Variants in IL3RA observed in about 807,000 individuals in gnomAD.
The protein encoded by IL3RA is interleukin 3 receptor subunit alpha.
IL3RA carries 73 observed loss-of-function variants against 52.3 expected under a neutral mutation model. That is an observed-to-expected ratio of 1.40 (90% CI 1.16 to 1.70). The LOEUF (loss-of-function observed/expected upper bound fraction) is 1.70. IL3RA is among the 40% of genes most tolerant of loss of function. IL3RA has a pLI of 0.00. For missense variants in IL3RA, 664 were observed against 504.4 expected (o/e 1.32, Z -3.03); for synonymous variants, 260 against 194.0 (o/e 1.34, Z -2.83).
rs756442090 is a variant in IL3RA at position 1,378,902 on chromosome X, G to A, written c.980+138G>A. On this transcript the variant is annotated intron_variant, in intron 10 of 11. Transcript: ENST00000331035. ...CTGTCTCCCAGGCTGGAGTGCAGTG[G>A]CACGATCTGGGCTCACTGCAGCCTC... 1.6e-5 allele frequency: 13 copies of A among 822,832 alleles called. No individual in the cohort carries two copies. In the Admixed American group the frequency reaches 2.4e-4, roughly 15 times the overall value. The allele number at this position is 822,832 out of a possible 1,614,324, so 51.0% of individuals were successfully genotyped here.
intron 1 of IL3RA, among the ~76,000 whole-genome samples, chrX:1,341,410 G>A (rs1317276275): frequency 2.6e-5 from 4 of 152,016 alleles, no homozygotes; most frequent in Non-Finnish European, 5.9e-5. Context: ...CATGTACACA[G>A]TACCCGTGTG....
intron 2 of IL3RA, among the ~76,000 whole-genome samples, chrX:1,343,920 T>C (rs1229352759): frequency 6.6e-6 from 1 of 151,106 alleles, no homozygotes; most frequent in Non-Finnish European, 1.5e-5. Flanking sequence ...CTCAGCTTCC[T>C]GATTAGCTGG....
chrX:1,352,904 TGAGTCATAGAACCCCCTATCA>T, intron 6 of IL3RA, among the ~76,000 whole-genome samples: 1 of 44,908 alleles, frequency 2.2e-5, no homozygotes, highest in East Asian at 3.5e-4. Flanking sequence ...GGTTTCATCA[TGAGTCATAGAACCCCCTATCA>T]TGGATTCCAT....
At position 1,352,206 on chromosome X, in the gene IL3RA, G is replaced by C. The variant is rs750535240; in HGVS notation, c.405G>C (p.Gln135His). The C allele has an allele frequency of 6.2e-7, 1 of 1,613,776 alleles. No individual in the cohort carries two copies. The highest frequency in any genetic ancestry group is 8.5e-7 in the Non-Finnish European group (1 of 1,179,832). Residue 135 changes from glutamine (Q) to histidine (H), a missense_variant, in exon 5 of 12, where the codon CAG becomes CAC. Gln to His is a conservative substitution (Grantham distance 24). Transcript: ENST00000331035. ...GCCCGGGGGCCCCCGCGGACGTCCA[G>C]TACGACCTGTACTTGAACGTTGCCA... ...AVGPGAPADVQYDLYLNVANR... is the reference protein window; with the variant it reads ...AVGPGAPADVHYDLYLNVANR...
At chrX:1,353,399 C>T (rs1461795569) in intron 6 of IL3RA, among the ~76,000 whole-genome samples, 1 of 149,106 alleles carries the variant, frequency 6.7e-6, no homozygotes, top group Non-Finnish European at 1.5e-5. Flanking sequence ...CATAGGACCC[C>T]CATCATGGAT....
rs1381171222 is a variant in IL3RA, at chrX:1,368,430, G to C, written c.874+3178G>C. Among the ~76,000 whole-genome samples the C allele has an allele frequency of 5.1e-4, 77 of 151,792 alleles. 1 individual carries two copies. The highest frequency in any genetic ancestry group is 4.7e-3 in the Admixed American group (71 of 15,222). On this transcript the variant is annotated intron_variant, in intron 9 of 11. Coordinates refer to ENST00000331035, the MANE Select transcript of IL3RA (RefSeq NM_002183.4). ...AAAAACCCTGTCTCTACTAAAAATAGAAAAATTAGGTCAGGTGCTGTGGCT... is the reference window on the plus strand; with the variant it reads ...AAAAACCCTGTCTCTACTAAAAATACAAAAATTAGGTCAGGTGCTGTGGCT...
intron 2 of IL3RA, among the ~76,000 whole-genome samples, chrX:1,342,541 C>T (rs2085532190): frequency 2.2e-5 from 3 of 137,280 alleles, no homozygotes; most frequent in Non-Finnish European, 4.7e-5. Flanking sequence ...CTTTAATTTG[C>T]TTTTCATTCT....
At chrX:1,380,613 T>TGAGGAGAGGGGAGGATGAG (rs1208337346) in intron 10 of IL3RA, among the ~76,000 whole-genome samples, 1 of 21,370 alleles carries the variant, frequency 4.7e-5, no homozygotes, top group Non-Finnish European at 8.5e-5. Flanking sequence ...GAGGGGAGGA[T>TGAGGAGAGGGGAGGATGAG]GAGTGGGGAG....
intron 4 of IL3RA, 27 bp downstream of exon 4, chrX:1,348,572 A>G (rs1489681054): frequency 1.4e-5 from 22 of 1,533,350 alleles, no homozygotes; most frequent in Non-Finnish European, 2.0e-5. Flanking sequence ...TTGTTTGTTT[A>G]TTCTCTATTC....
chrX:1,353,204 T>TAA (rs1253545281), intron 6 of IL3RA, among the ~76,000 whole-genome samples: 5 of 124,144 alleles, frequency 4.0e-5, no homozygotes, highest in African/African-American at 9.3e-5. Flanking sequence ...CCATCATGGG[T>TAA]TCCATCATGG....
At chrX:1,360,261 CAT>C (rs2087127491) in intron 8 of IL3RA, among the ~76,000 whole-genome samples, 1 of 38,500 alleles carries the variant, frequency 2.6e-5, no homozygotes, top group African/African-American at 1.4e-4. Flanking sequence ...TTTCTCCCTC[CAT>C]CTTTCTCTCT....
At chrX:1,355,363 G>A (rs779403595) in intron 6 of IL3RA, among the ~76,000 whole-genome samples, 2 of 135,280 alleles carry the variant, frequency 1.5e-5, no homozygotes, top group Non-Finnish European at 3.2e-5. Context: ...AGGAGAATGG[G>A]GAGGAGAGAG....
At chrX:1,354,222 T>C (rs1419816711) in intron 6 of IL3RA, among the ~76,000 whole-genome samples, 1 of 152,058 alleles carries the variant, frequency 6.6e-6, no homozygotes, top group Non-Finnish European at 1.5e-5. Flanking sequence ...CCCACGCCAG[T>C]CACCTCCCAA....
intron 8 of IL3RA, 133 bp downstream of exon 8, chrX:1,359,020 TG>T: frequency 1.8e-5 from 12 of 664,004 alleles, no homozygotes; most frequent in South Asian, 1.1e-4. Context: ...TAATAATAAA[TG>T]TTATTATTCA....
chrX:1,343,155 C>G (rs2085561841), intron 2 of IL3RA, among the ~76,000 whole-genome samples: 1 of 152,046 alleles, frequency 6.6e-6, no homozygotes, highest in African/African-American at 2.4e-5. Flanking sequence ...AATTATCCTT[C>G]TAAGTTAGAA....
At chrX:1,361,386 G>A (rs1223949210) in intron 8 of IL3RA, among the ~76,000 whole-genome samples, 2 of 152,084 alleles carry the variant, frequency 1.3e-5, no homozygotes, top group Admixed American at 6.6e-5. Context: ...CATGTGGCTG[G>A]GGAGGCCTCA....
At chrX:1,349,387 G>A (rs1324681050) in intron 4 of IL3RA, among the ~76,000 whole-genome samples, 1 of 151,778 alleles carries the variant, frequency 6.6e-6, no homozygotes, top group African/African-American at 2.4e-5. Flanking sequence ...TCACCATGTT[G>A]GTCAGGCTGG....
intron 3 of IL3RA, among the ~76,000 whole-genome samples, chrX:1,346,772 C>G (rs1405608422): frequency 1.8e-4 from 27 of 151,330 alleles, no homozygotes; most frequent in Non-Finnish European, 2.6e-4. Flanking sequence ...ACACTGTGAG[C>G]TATTTACAAG....
intron 10 of IL3RA, among the ~76,000 whole-genome samples, chrX:1,379,821 G>A (rs1417837522): frequency 6.6e-6 from 1 of 152,058 alleles, no homozygotes; most frequent in Admixed American, 6.6e-5. Context: ...GTGCAATGGC[G>A]CCATCTCGGT....
Sources: allele counts gnomAD v4.1 joint callset (sites outside exome capture counted in the v4.1 genomes callset), GRCh38; gene constraint gnomAD v4.1.1; transcripts MANE v1.5; gene names NCBI Gene and HGNC (gene_info 2026-07-23, HGNC 2026-07-21).